FMN1: variants seen among roughly 807,000 people sequenced by gnomAD.
FMN1 encodes the protein formin 1, also known as formin-1.
In FMN1, 110 loss-of-function variants were observed where a neutral mutation model predicts 132.4. That is an observed-to-expected ratio of 0.83 (90% CI 0.71 to 0.97). FMN1 has a LOEUF of 0.97. Ranked by LOEUF, FMN1 falls within the 50% of genes least tolerant of loss-of-function variation. The pLI is 0.00. For synonymous variants in FMN1, 722 were observed against 651.7 expected, an observed-to-expected ratio of 1.11 and a Z score of -1.64; for missense variants, 1,792 against 1,705.3, an observed-to-expected ratio of 1.05 and a Z score of -0.90.
At chr15:32,808,787 C>CAAAA (rs1244222789) in intron 17 of FMN1, among the ~76,000 whole-genome samples, 3 of 152,130 alleles carry the variant, frequency 2.0e-5, no homozygotes, top group Non-Finnish European at 4.4e-5. Flanking sequence ...AGCTTTCTGA[C>CAAAA]TTTTTGGCAT....
intron 7 of FMN1, among the ~76,000 whole-genome samples, chr15:32,978,725 A>G (rs1011369268): frequency 6.6e-6 from 1 of 152,176 alleles, no homozygotes; most frequent in Non-Finnish European, 1.5e-5. Context: ...AATCATTTTA[A>G]TATTTCCCTC....
intron 16 of FMN1, among the ~76,000 whole-genome samples, chr15:32,857,806 T>C (rs1420282778): frequency 6.6e-6 from 1 of 152,208 alleles, no homozygotes; most frequent in Non-Finnish European, 1.5e-5. Context: ...CCTTATTGGA[T>C]AGTTACGATT....
In FMN1 at chr15:33,094,612, T is replaced by C. The variant is rs138053986; in HGVS notation, c.1868-5638A>G. Among the ~76,000 whole-genome samples, 220 of 152,358 alleles carry C rather than the reference T, an allele frequency of 1.4e-3. 2 individuals are homozygous for C. The highest frequency in any genetic ancestry group is 2.5e-3 in the Non-Finnish European group (172 of 68,034). On this transcript the variant is annotated intron_variant, in intron 4 of 20. Coordinates refer to ENST00000616417, the MANE Select transcript of FMN1 (RefSeq NM_001277313.2). The stretch of plus-strand genomic sequence containing the variant: ...AGGGTCGTTCATAGATACCCTATGA[T>C]ACTCCTTCCCAGAAAGTCAAACATA...
intron 8 of FMN1, among the ~76,000 whole-genome samples, chr15:32,965,139 T>C (rs572819667): frequency 7.2e-5 from 11 of 152,316 alleles, no homozygotes; most frequent in Admixed American, 7.2e-4. Context: ...AGCTCACACC[T>C]GTAATCCAAG....
intron 15 of FMN1, among the ~76,000 whole-genome samples, chr15:32,890,356 C>T (rs1252646585): frequency 6.6e-6 from 1 of 152,238 alleles, no homozygotes; most frequent in Non-Finnish European, 1.5e-5. Context: ...ACACTGTTTT[C>T]CATACTGACT....
At chr15:33,046,975 G>C (rs1487333886) in intron 6 of FMN1, among the ~76,000 whole-genome samples, 1 of 152,140 alleles carries the variant, frequency 6.6e-6, no homozygotes, top group Non-Finnish European at 1.5e-5. Flanking sequence ...CTGGCAAACT[G>C]GTCAGTAACA....
chr15:33,062,412 G>A (rs569069101), intron 6 of FMN1, among the ~76,000 whole-genome samples: 20 of 152,242 alleles, frequency 1.3e-4, no homozygotes, highest in African/African-American at 4.6e-4. Flanking sequence ...ACGAGGTCAA[G>A]AGATCGAGAC....
intron 6 of FMN1, among the ~76,000 whole-genome samples, chr15:33,011,603 T>C (rs180773042): frequency 2.0e-5 from 3 of 152,234 alleles, no homozygotes; most frequent in South Asian, 4.1e-4. Context: ...TAAGAACTTA[T>C]TTTTCTTAAA....
At chr15:33,171,554 A>G (rs1180053205) in intron 3 of FMN1, among the ~76,000 whole-genome samples, 1 of 152,244 alleles carries the variant, frequency 6.6e-6, no homozygotes, top group Non-Finnish European at 1.5e-5. Flanking sequence ...GCCAACATTT[A>G]TAATATAAGT....
chr15:33,118,364 G>GCATAAC (rs553145183), intron 4 of FMN1, among the ~76,000 whole-genome samples: 2,074 of 152,188 alleles, frequency 0.014, 31 homozygotes, highest in Non-Finnish European at 0.022. Context: ...ATTCTCAGGG[G>GCATAAC]CATACTAAGA....
At chr15:33,095,971 A>G (rs2039069155) in intron 4 of FMN1, among the ~76,000 whole-genome samples, 1 of 151,190 alleles carries the variant, frequency 6.6e-6, no homozygotes, top group Non-Finnish European at 1.5e-5. Flanking sequence ...CAAACTCACA[A>G]AAAGGAATAT....
At chr15:32,889,825 G>A (rs1194012379) in intron 15 of FMN1, among the ~76,000 whole-genome samples, 1 of 152,150 alleles carries the variant, frequency 6.6e-6, no homozygotes, top group Admixed American at 6.5e-5. Flanking sequence ...TTGGTTACAT[G>A]AGTAAGTTCT....
intron 4 of FMN1, among the ~76,000 whole-genome samples, chr15:33,104,347 C>A (rs1382451845): frequency 2.0e-5 from 3 of 152,042 alleles, no homozygotes; most frequent in South Asian, 2.1e-4. Flanking sequence ...GACTTTCTTG[C>A]CAAATTTTCA....
intron 6 of FMN1, among the ~76,000 whole-genome samples, chr15:33,047,047 G>A (rs556881992): frequency 2.0e-5 from 3 of 152,316 alleles, no homozygotes; most frequent in Admixed American, 1.3e-4. Flanking sequence ...TTTGTTTTAT[G>A]TCCTTGGGAA....
At chr15:32,880,234 ACT>A (rs756440618) in intron 16 of FMN1, among the ~76,000 whole-genome samples, 15 of 152,082 alleles carry the variant, frequency 9.9e-5, no homozygotes, top group Non-Finnish European at 1.9e-4. Flanking sequence ...ATATATGGAA[ACT>A]CTGATTATTC....
intron 7 of FMN1, among the ~76,000 whole-genome samples, chr15:33,002,376 C>A (rs2034167146): frequency 6.6e-6 from 1 of 152,192 alleles, no homozygotes; most frequent in Non-Finnish European, 1.5e-5. Context: ...AGGTCTGTGA[C>A]AAAAGATGAG....
At chr15:32,984,747 A>T (rs1199774732) in intron 7 of FMN1, among the ~76,000 whole-genome samples, 1 of 152,018 alleles carries the variant, frequency 6.6e-6, no homozygotes, top group Non-Finnish European at 1.5e-5. Context: ...GAAATTCAAC[A>T]TTTTTTTCTA....
intron 4 of FMN1, among the ~76,000 whole-genome samples, chr15:33,110,676 A>G (rs549264557): frequency 1.9e-4 from 26 of 136,092 alleles, no homozygotes; most frequent in African/African-American, 7.8e-4. Flanking sequence ...TTCAGATTAA[A>G]TTTATATAAA....
intron 4 of FMN1, among the ~76,000 whole-genome samples, chr15:33,124,006 T>TC (rs1030879207): frequency 1.3e-5 from 2 of 152,202 alleles, no homozygotes; most frequent in African/African-American, 4.8e-5. Context: ...TAAGACAGTG[T>TC]CCCAACTATT....
Sources: allele counts gnomAD v4.1 joint callset (sites outside exome capture counted in the v4.1 genomes callset), GRCh38; gene constraint gnomAD v4.1.1; transcripts MANE v1.5; gene names NCBI Gene and HGNC (gene_info 2026-07-23, HGNC 2026-07-21).